OPA3: variants seen among roughly 807,000 people sequenced by gnomAD.
OPA3 encodes the protein optic atrophy 3 protein.
A neutral mutation model predicts 4.0 loss-of-function variants in OPA3; 6 were observed. The ratio of observed to expected loss-of-function variants is 1.51; its 90% CI spans 0.83 to 2.99. The LOEUF is 2.99. OPA3 is among the 30% of genes most tolerant of loss of function. The pLI is 0.00. For missense variants in OPA3, 235 were observed against 256.2 expected, an observed-to-expected ratio of 0.92 and a Z score of 0.56; for synonymous variants, 105 against 117.1, an observed-to-expected ratio of 0.90 and a Z score of 0.67.
downstream of OPA3, among the ~76,000 whole-genome samples, chr19:45,545,628 TAA>T (rs1969240207): frequency 6.6e-6 from 1 of 151,704 alleles, no homozygotes; most frequent in South Asian, 2.1e-4. Context: ...CTTCCCAGAG[TAA>T]AAGTTAGTCT....
At chr19:45,580,913 G>C (rs1396409011) in intron 1 of OPA3, among the ~76,000 whole-genome samples, 2 of 152,132 alleles carry the variant, frequency 1.3e-5, no homozygotes, top group Admixed American at 6.6e-5. Flanking sequence ...ACTGCGCCCA[G>C]CTCCAGAAGC....
At chr19:45,543,340 A>G (rs562408810), downstream of OPA3, among the ~76,000 whole-genome samples, 104 of 142,240 alleles carry the variant, frequency 7.3e-4, no homozygotes, top group Middle Eastern at 0.021. Context: ...TTTTTTTTTG[A>G]GACAGAGTCT....
chr19:45,533,471 T>G (rs919020583), intron 1 of OPA3, among the ~76,000 whole-genome samples: 7 of 152,182 alleles, frequency 4.6e-5, no homozygotes, highest in Non-Finnish European at 1.0e-4. Context: ...TGGGATTACA[T>G]GCGTGAGCCA....
At chr19:45,566,441 A>C (rs1969583713) in intron 1 of OPA3, among the ~76,000 whole-genome samples, 1 of 139,678 alleles carries the variant, frequency 7.2e-6, no homozygotes, top group Non-Finnish European at 1.5e-5. Flanking sequence ...GTGAGCCACC[A>C]CTCCCTTAGA....
intron 1 of OPA3, among the ~76,000 whole-genome samples, chr19:45,532,920 T>G (rs1298413604): frequency 6.6e-6 from 1 of 152,000 alleles, no homozygotes; most frequent in Non-Finnish European, 1.5e-5. Flanking sequence ...AGATGGAGTT[T>G]TGCTCTTCTC....
chr19:45,584,425 A>T, intron 1 of OPA3, 198 bp downstream of exon 1: 1 of 984,636 alleles, frequency 1.0e-6, no homozygotes, highest in South Asian at 4.7e-5. Flanking sequence ...TGGCTCCTTG[A>T]CCCGCCCCTT....
chr19:45,535,907 G>A (rs1300714832), intron 1 of OPA3, among the ~76,000 whole-genome samples: 1 of 151,634 alleles, frequency 6.6e-6, no homozygotes, highest in Non-Finnish European at 1.5e-5. Flanking sequence ...TGGGACTAAA[G>A]GTGCCTGCTG....
rs894456563 is a variant in OPA3, at chr19:45,550,212, G to A, written c.*3302C>T. The A allele has an allele frequency of 1.0e-6, 1 of 985,200 alleles. No homozygotes were observed. Among genetic ancestry groups the A allele is most frequent in the African/African-American group, 1.7e-5 (1 of 57,220 alleles). The allele number at this position is 985,200 out of a possible 1,614,324, so 61.0% of individuals were successfully genotyped here. A position where few individuals can be genotyped will look rare whatever the true frequency, so the allele number is the denominator to read the frequency against. On this transcript the variant is annotated 3_prime_UTR_variant, in exon 2 of 2. Transcript: ENST00000263275. Reference sequence around the variant, plus strand: ...GAAGAAAAGAAAAGTTTCAGAACCTGTTTCTTGGCTTTCTATCTGGGCAGA... The same window carrying A: ...GAAGAAAAGAAAAGTTTCAGAACCTATTTCTTGGCTTTCTATCTGGGCAGA...
intron 1 of OPA3, among the ~76,000 whole-genome samples, chr19:45,565,849 G>A (rs533104726): frequency 1.3e-5 from 2 of 152,166 alleles, no homozygotes; most frequent in African/African-American, 4.8e-5. Context: ...TACTCAGAAG[G>A]CTCAGAAAGG....
In OPA3 at chr19:45,549,489, T is replaced by C; in HGVS notation, c.*4025A>G. ...CCTGTGTTCACACTCCCACCTCTGT[T>C]TTTTTTTTTTGAGTTGAGTCTCACT... On this transcript the variant is annotated 3_prime_UTR_variant, in exon 2 of 2. Transcript: ENST00000263275. 4.3e-6 allele frequency: 4 copies of C among 935,982 alleles called. No homozygotes were observed. Among genetic ancestry groups the C allele is most frequent in the Non-Finnish European group, 5.1e-6 (4 of 786,068 alleles). 58.0% of individuals were successfully genotyped at this position (935,982 alleles called of 1,614,324 possible).
intron 1 of OPA3, among the ~76,000 whole-genome samples, chr19:45,558,734 T>A (rs937145130): frequency 6.6e-5 from 10 of 151,984 alleles, no homozygotes; most frequent in South Asian, 2.1e-4. Flanking sequence ...TTTTTTTTTT[T>A]ATTTTTTTTA....
intron 1 of OPA3, among the ~76,000 whole-genome samples, chr19:45,574,568 T>C (rs927474781): frequency 2.0e-5 from 3 of 152,056 alleles, no homozygotes; most frequent in African/African-American, 4.8e-5. Flanking sequence ...TTGATAAATA[T>C]GGAAATGGAG....
intron 1 of OPA3, among the ~76,000 whole-genome samples, chr19:45,539,474 G>A (rs546108021): frequency 2.0e-5 from 3 of 152,020 alleles, no homozygotes; most frequent in East Asian, 1.9e-4. Context: ...TTTCTGCCAC[G>A]CTCGGCTAAT....
rs1480195214 is a variant in OPA3 at position 45,550,284 on chromosome 19, T to C, written c.*3230A>G. On this transcript the variant is annotated 3_prime_UTR_variant, in exon 2 of 2. Coordinates refer to ENST00000263275, the MANE Select transcript of OPA3 (RefSeq NM_025136.4). ...CCTCTTTAGAGAAGGGAGGTGAGGATGGAAGTCGGGGAAAGCCCGGCCCTC... is the reference window on the plus strand; with the variant it reads ...CCTCTTTAGAGAAGGGAGGTGAGGACGGAAGTCGGGGAAAGCCCGGCCCTC... The C allele has an allele frequency of 5.1e-6, 5 of 985,370 alleles. No homozygotes were observed. Among genetic ancestry groups the C allele is most frequent in the Non-Finnish European group, 1.2e-6 (1 of 829,980 alleles). 61.0% of individuals were successfully genotyped at this position (985,370 alleles called of 1,614,324 possible).
At chr19:45,581,103 G>A (rs1261937856) in intron 1 of OPA3, among the ~76,000 whole-genome samples, 2 of 152,100 alleles carry the variant, frequency 1.3e-5, no homozygotes, top group African/African-American at 2.4e-5. Context: ...ATAAACCAGA[G>A]GAAGTCATTC....
chr19:45,553,394 C>T lies in OPA3; in HGVS notation c.*120G>A. The T allele has an allele frequency of 1.9e-6, 3 of 1,589,268 alleles. No individual in the cohort carries two copies. Among genetic ancestry groups the T allele is most frequent in the Non-Finnish European group, 1.7e-6 (2 of 1,174,658 alleles). On this transcript the variant is annotated 3_prime_UTR_variant, in exon 2 of 2. Coordinates refer to ENST00000263275, the MANE Select transcript of OPA3 (RefSeq NM_025136.4). ...TCTTATCAGCAGGGGTAACCAAATG[C>T]CAAGTTGCATCAAGATCCTGGTGGT...
intron 1 of OPA3, 100 bp downstream of exon 1, chr19:45,584,523 G>A: frequency 6.2e-7 from 1 of 1,600,298 alleles, no homozygotes; most frequent in Non-Finnish European, 8.5e-7. Flanking sequence ...TTGCCGGTTC[G>A]GGCTGTGATT....
chr19:45,559,160 A>T (rs973375792), intron 1 of OPA3, among the ~76,000 whole-genome samples: 1 of 152,094 alleles, frequency 6.6e-6, no homozygotes, highest in Non-Finnish European at 1.5e-5. Context: ...CTGGGACTAC[A>T]GGTGTGAGCC....
At chr19:45,579,990 TTTTTTTTTTTC>T (rs200832051) in intron 1 of OPA3, among the ~76,000 whole-genome samples, 18,951 of 138,984 alleles carry the variant, frequency 0.14, 3,099 homozygotes, top group African/African-American at 0.43. Context: ...ATTTTCTTTC[TTTTTTTTTTTC>T]TTTTTTTTTT....
Sources: allele counts gnomAD v4.1 joint callset (sites outside exome capture counted in the v4.1 genomes callset), GRCh38; gene constraint gnomAD v4.1.1; transcripts MANE v1.5; gene names NCBI Gene and HGNC (gene_info 2026-07-23, HGNC 2026-07-21).